METTL15: variants seen among roughly 807,000 people sequenced by gnomAD.
METTL15 encodes methyltransferase 15, mitochondrial 12S rRNA N4-cytidine, also known as 12S rRNA N(4)-cytidine methyltransferase METTL15.
A neutral mutation model predicts 38.3 loss-of-function variants in METTL15; 34 were observed. The observed-to-expected ratio is 0.89, with a 90% CI of 0.68 to 1.18. METTL15 has a LOEUF of 1.18. METTL15 is among the 50% of genes most tolerant of loss of function. METTL15 has a pLI of 0.00. For synonymous variants in METTL15, 162 were observed against 170.9 expected (o/e 0.95, Z 0.41); for missense variants, 438 against 498.4 (o/e 0.88, Z 1.15).
chr11:28,449,447 A>T (rs11030340), intron 6 of METTL15, among the ~76,000 whole-genome samples: 1 of 152,190 alleles, frequency 6.6e-6, no homozygotes, highest in African/African-American at 2.4e-5. Flanking sequence ...TTATTTACTG[A>T]TATTTGGGAA....
chr11:28,187,924 T>C (rs1434712448), intron 3 of METTL15, among the ~76,000 whole-genome samples: 2 of 151,300 alleles, frequency 1.3e-5, no homozygotes, highest in South Asian at 2.1e-4. Flanking sequence ...TCTTCTGATA[T>C]GAAAAGGTCT....
chr11:28,123,294 C>A (rs1258101514), intron 3 of METTL15, among the ~76,000 whole-genome samples: 1 of 152,038 alleles, frequency 6.6e-6, no homozygotes, highest in African/African-American at 2.4e-5. Context: ...TGTCTTTTCC[C>A]ATTGTTCCCC....
At chr11:28,323,494 C>T (rs1565254962) in intron 6 of METTL15, among the ~76,000 whole-genome samples, 1 of 152,100 alleles carries the variant, frequency 6.6e-6, no homozygotes, top group Non-Finnish European at 1.5e-5. Context: ...TGAAAAGAGA[C>T]TTGAATGAAG....
At chr11:28,238,921 A>G (rs1854158151) in intron 4 of METTL15, among the ~76,000 whole-genome samples, 1 of 152,182 alleles carries the variant, frequency 6.6e-6, no homozygotes, top group Admixed American at 6.5e-5. Context: ...CGTGTGTCAT[A>G]GTTGACTATT....
rs1851571471 is a variant in METTL15 at position 28,500,267 on chromosome 11, G to A, written c.*425-26211G>A. On this transcript the variant is annotated intron_variant and NMD_transcript_variant, in intron 6 of 7. Transcript: ENST00000532947. ...CTGATCTTGGTTTCAAGAGTTGAGA[G>A]TGACTTCGATCAGCTTCCAATCCAA... 2.0e-5 allele frequency among the ~76,000 whole-genome samples: 3 copies of A among 152,324 alleles called. No individual in the cohort carries two copies. In the South Asian group the frequency reaches 6.2e-4, roughly 32 times the overall value.
At chr11:28,424,523 A>G (rs1850848322) in intron 6 of METTL15, among the ~76,000 whole-genome samples, 1 of 152,204 alleles carries the variant, frequency 6.6e-6, no homozygotes, top group South Asian at 2.1e-4. Context: ...TTGTCTACAC[A>G]TAATCCCTTC....
At chr11:28,430,247 A>C (rs1417246051) in intron 6 of METTL15, among the ~76,000 whole-genome samples, 35 of 105,766 alleles carry the variant, frequency 3.3e-4, no homozygotes, top group South Asian at 6.8e-4. Context: ...GCCCCCCGCC[A>C]GGCCAGCCGC....
intron 3 of METTL15, among the ~76,000 whole-genome samples, chr11:28,170,437 G>A (rs1052585726): frequency 6.6e-6 from 1 of 152,108 alleles, no homozygotes; most frequent in African/African-American, 2.4e-5. Context: ...AATTTGGGGT[G>A]AGTCCATAAA....
chr11:28,203,180 T>G (rs1852179059), intron 3 of METTL15, among the ~76,000 whole-genome samples: 2 of 152,060 alleles, frequency 1.3e-5, no homozygotes, highest in Admixed American at 1.3e-4. Context: ...TTTCCATGGG[T>G]CCTGATTGCT....
downstream of METTL15, among the ~76,000 whole-genome samples, chr11:28,528,269 T>G (rs139829979): frequency 3.1e-4 from 47 of 152,286 alleles, no homozygotes; most frequent in African/African-American, 1.1e-3. Context: ...ACCAGTAAAC[T>G]GCATACTTCA....
chr11:28,195,316 A>C (rs949285095), intron 3 of METTL15, among the ~76,000 whole-genome samples: 1 of 152,084 alleles, frequency 6.6e-6, no homozygotes, highest in Non-Finnish European at 1.5e-5. Flanking sequence ...GGTTATACTA[A>C]TTTACATTTC....
chr11:28,479,057 TTGTGTGTGTGTGTGTGTG>T (rs71050961), intron 6 of METTL15, among the ~76,000 whole-genome samples: 5 of 146,720 alleles, frequency 3.4e-5, no homozygotes, highest in Non-Finnish European at 6.1e-5. Flanking sequence ...TTATTTCTCT[TTGTGTGTGTGTGTGTGTG>T]TGTGTGTGTG....
intron 4 of METTL15, among the ~76,000 whole-genome samples, chr11:28,285,201 T>A (rs1369064366): frequency 6.6e-6 from 1 of 152,084 alleles, no homozygotes; most frequent in African/African-American, 2.4e-5. Flanking sequence ...CTTTACAAAT[T>A]ACCCAGACTC....
intron 3 of METTL15, among the ~76,000 whole-genome samples, chr11:28,204,471 G>C (rs1253215891): frequency 3.8e-5 from 5 of 132,284 alleles, no homozygotes; most frequent in Non-Finnish European, 6.2e-5. Context: ...TGTAAAAAGG[G>C]ATATAATGCC....
intron 6 of METTL15, among the ~76,000 whole-genome samples, chr11:28,524,017 C>G (rs1350108846): frequency 6.6e-6 from 1 of 152,244 alleles, no homozygotes; most frequent in Non-Finnish European, 1.5e-5. Flanking sequence ...ATTATCTGAT[C>G]TAACGTGTCA....
chr11:28,336,179 G>C (rs189092718), downstream of METTL15, among the ~76,000 whole-genome samples: 1 of 152,214 alleles, frequency 6.6e-6, no homozygotes, highest in African/African-American at 2.4e-5. Context: ...AACACTCCCA[G>C]TATTTGCTAC....
intron 3 of METTL15, chr11:28,163,713 C>T (rs1850555883): frequency 5.8e-6 from 2 of 342,994 alleles, no homozygotes; most frequent in East Asian, 8.6e-5. Context: ...TTTTAAATAT[C>T]TTTAACTAAA....
At chr11:28,240,119 G>A (rs113844657) in intron 4 of METTL15, among the ~76,000 whole-genome samples, 1 of 152,238 alleles carries the variant, frequency 6.6e-6, no homozygotes, top group East Asian at 1.9e-4. Context: ...CACTATAAAT[G>A]ATGCAGTTGC....
At chr11:28,311,003 T>TGTGTGA (rs1245505037) in intron 6 of METTL15, among the ~76,000 whole-genome samples, 4 of 119,258 alleles carry the variant, frequency 3.4e-5, no homozygotes, top group East Asian at 2.3e-4. Flanking sequence ...TGTGTGTGTG[T>TGTGTGA]GAGAGAGAGA....
Sources: allele counts gnomAD v4.1 joint callset (sites outside exome capture counted in the v4.1 genomes callset), GRCh38; gene constraint gnomAD v4.1.1; transcripts MANE v1.5; gene names NCBI Gene and HGNC (gene_info 2026-07-23, HGNC 2026-07-21).